ADAM12: variants seen among roughly 807,000 people sequenced by gnomAD.
ADAM12 encodes the protein disintegrin and metalloproteinase domain-containing protein 12.
ADAM12 carries 70 observed loss-of-function variants against 106.4 expected under a neutral mutation model. That is an observed-to-expected ratio of 0.66 (90% CI 0.54 to 0.80). The LOEUF is 0.80. ADAM12 is among the 30% of genes least tolerant of loss of function. The pLI is 0.00. For missense variants in ADAM12, 1,010 were observed against 1,171.9 expected (o/e 0.86, Z 2.02); for synonymous variants, 420 against 433.5 (o/e 0.97, Z 0.39).
intron 1 of ADAM12, among the ~76,000 whole-genome samples, chr10:126,377,112 G>A (rs1856320780): frequency 6.6e-6 from 1 of 152,208 alleles, no homozygotes; most frequent in Non-Finnish European, 1.5e-5. Context: ...ACACAGGATG[G>A]TTAGTTACTT....
chr10:126,352,020 C>T (rs528224519), intron 1 of ADAM12, among the ~76,000 whole-genome samples: 3 of 152,298 alleles, frequency 2.0e-5, no homozygotes, highest in East Asian at 3.9e-4. Context: ...AGCCTCAGAA[C>T]CCAGCACTCA....
In ADAM12 at chr10:126,038,284, C is replaced by T. The variant is rs2133403031; in HGVS notation, c.2306G>A (p.Gly769Glu). The T allele has an allele frequency of 6.2e-7, 1 of 1,612,344 alleles. No individual in the cohort carries two copies. The change falls in exon 20 of 23, where the codon GGA (glycine) becomes GAA (glutamate). Residue 769 changes from glycine (G) to glutamate (E), a missense_variant. Transcript: ENST00000448723. ...QPCQAHLGHLGKGLMRKPPDS... is the reference protein window; with the variant it reads ...QPCQAHLGHLEKGLMRKPPDS... Reference sequence around the variant, plus strand: ...TGGCGGCTTCCTCATCAGGCCTTTTCCAAGGTGGCCGAGGTGAGCCTGACA... The same window carrying T: ...TGGCGGCTTCCTCATCAGGCCTTTTTCAAGGTGGCCGAGGTGAGCCTGACA...
chr10:126,127,591 G>T (rs1393489908), intron 5 of ADAM12, among the ~76,000 whole-genome samples: 1 of 152,224 alleles, frequency 6.6e-6, no homozygotes, highest in African/African-American at 2.4e-5. Context: ...GACCTTCTGG[G>T]TGTTAGACCT....
chr10:126,139,436 C>A (rs1337619349), intron 4 of ADAM12, among the ~76,000 whole-genome samples: 2 of 152,120 alleles, frequency 1.3e-5, no homozygotes, highest in Admixed American at 6.5e-5. Context: ...ATATTGGGCA[C>A]TTTTGCCACA....
At chr10:126,041,876 TCAGGAG>T in intron 18 of ADAM12, 1 of 1,349,024 alleles carries the variant, frequency 7.4e-7, no homozygotes, top group South Asian at 1.9e-5. Context: ...TGCTACTCTC[TCAGGAG>T]CAGCACTGAA....
intron 3 of ADAM12, among the ~76,000 whole-genome samples, chr10:126,278,136 G>C (rs961169974): frequency 6.6e-6 from 1 of 152,140 alleles, no homozygotes; most frequent in Non-Finnish European, 1.5e-5. Context: ...CTGCTATTTT[G>C]ACCAAGCAGG....
rs1954178895 is a variant in ADAM12 at position 126,041,836 on chromosome 10, G to GC, written c.2104+1203dup. 6 of 1,217,864 alleles carry GC rather than the reference G, an allele frequency of 4.9e-6. No individual in the cohort carries two copies. The East Asian group carries it at 2.4e-4, about 48-fold the overall frequency. 75.4% of individuals were successfully genotyped at this position (1,217,864 alleles called of 1,614,324 possible). ...CTTTTGAGTCCTCTTCCTCCTTGCT[G>GC]CAGGGCTGGGGCCTGCCAGAGTGGT... is the stretch of plus-strand genomic sequence containing the variant. On this transcript the variant is annotated intron_variant, in intron 18 of 22. Coordinates refer to ENST00000448723, the MANE Select transcript of ADAM12 (RefSeq NM_001288973.2).
intron 4 of ADAM12, among the ~76,000 whole-genome samples, chr10:126,138,840 G>T (rs1956457189): frequency 7.7e-6 from 1 of 130,534 alleles, no homozygotes; most frequent in Non-Finnish European, 1.6e-5. Context: ...AGAGTTGTAT[G>T]GGTTTAGCTA....
chr10:126,221,208 A>AC, intron 3 of ADAM12, among the ~76,000 whole-genome samples: 1 of 151,970 alleles, frequency 6.6e-6, no homozygotes, highest in Non-Finnish European at 1.5e-5. Context: ...ATATGGTGAA[A>AC]CCCCGTCTCT....
chr10:126,087,014 C>T (rs2133546636), intron 11 of ADAM12, among the ~76,000 whole-genome samples: 1 of 133,712 alleles, frequency 7.5e-6, no homozygotes, highest in Non-Finnish European at 1.6e-5. Flanking sequence ...GCCTAGGTGA[C>T]AGAGCGAGGC....
At chr10:126,315,634 C>T (rs1001700031) in intron 2 of ADAM12, among the ~76,000 whole-genome samples, 3 of 152,202 alleles carry the variant, frequency 2.0e-5, no homozygotes, top group Admixed American at 6.5e-5. Context: ...CTGAACCAGA[C>T]GAGGCTCAGT....
chr10:126,272,200 T>C (rs1344411316), intron 3 of ADAM12, among the ~76,000 whole-genome samples: 1 of 152,248 alleles, frequency 6.6e-6, no homozygotes, highest in East Asian at 1.9e-4. Context: ...CTTTATCTTA[T>C]TCACTACTCT....
intron 3 of ADAM12, among the ~76,000 whole-genome samples, chr10:126,213,415 T>A (rs953374249): frequency 6.6e-6 from 1 of 152,212 alleles, no homozygotes; most frequent in African/African-American, 2.4e-5. Context: ...AGGAATCTGT[T>A]GAACAATTTT....
chr10:126,147,430 G>A (rs537460705), intron 4 of ADAM12, among the ~76,000 whole-genome samples: 11 of 152,134 alleles, frequency 7.2e-5, no homozygotes, highest in Non-Finnish European at 1.2e-4. Context: ...CCCAAACATA[G>A]TCATGACACG....
intron 2 of ADAM12, among the ~76,000 whole-genome samples, chr10:126,325,834 G>A (rs1257531887): frequency 2.6e-5 from 4 of 152,238 alleles, no homozygotes; most frequent in Middle Eastern, 3.4e-3. Flanking sequence ...AGTTTCTAGC[G>A]TATTTTACAG....
At chr10:126,261,783 A>C (rs1959005262) in intron 3 of ADAM12, among the ~76,000 whole-genome samples, 1 of 149,852 alleles carries the variant, frequency 6.7e-6, no homozygotes, top group Non-Finnish European at 1.5e-5. Context: ...TTTCTCTCTT[A>C]ATAAGGATGG....
chr10:126,141,443 C>A (rs1156593104), intron 4 of ADAM12, among the ~76,000 whole-genome samples: 1 of 151,616 alleles, frequency 6.6e-6, no homozygotes, highest in African/African-American at 2.4e-5. Flanking sequence ...CCCAAACATG[C>A]ATAACCAGAA....
At chr10:126,274,740 T>C (rs1177105634) in intron 3 of ADAM12, among the ~76,000 whole-genome samples, 1 of 152,194 alleles carries the variant, frequency 6.6e-6, no homozygotes, top group Non-Finnish European at 1.5e-5. Context: ...AGTCGCCCTC[T>C]TCAACATGGG....
chr10:126,343,772 A>T (rs1362975556), intron 1 of ADAM12, among the ~76,000 whole-genome samples: 3 of 152,120 alleles, frequency 2.0e-5, no homozygotes, highest in Non-Finnish European at 2.9e-5. Context: ...CATTTCTCTG[A>T]TGGCCAGTGA....
Sources: gnomAD v4.1 joint callset for allele counts (sites outside exome capture counted in the v4.1 genomes callset) on GRCh38, gnomAD v4.1.1 for gene constraint, MANE v1.5 for transcripts, NCBI Gene and HGNC (gene_info 2026-07-23, HGNC 2026-07-21) for gene names.